CA13: variants seen among roughly 807,000 people sequenced by gnomAD.
CA13 encodes the protein CA-XIII.
CA13 carries 21 observed loss-of-function variants against 31.5 expected under a neutral mutation model. The observed-to-expected ratio is 0.67, with a 90% confidence interval of 0.47 to 0.96. CA13 has a LOEUF of 0.96. CA13 is among the 40% of genes least tolerant of loss of function. The pLI is 0.00. For synonymous variants in CA13, 117 were observed against 111.4 expected, an observed-to-expected ratio of 1.05 and a Z score of -0.32; for missense variants, 315 against 318.9, an observed-to-expected ratio of 0.99 and a Z score of 0.09.
chr8:85,250,689 T>C, intron 1 of CA13, 51 bp from the exon 2 acceptor site: 1 of 1,197,554 alleles, frequency 8.4e-7, no homozygotes, highest in South Asian at 1.3e-5. Context: ...TGTATGTTTG[T>C]TGAAAGAAAG....
At chr8:85,265,638 C>T (rs1049032009) in intron 3 of CA13, among the ~76,000 whole-genome samples, 1 of 151,888 alleles carries the variant, frequency 6.6e-6, no homozygotes, top group African/African-American at 2.4e-5. Flanking sequence ...TTGCTCTCAG[C>T]AAAGTATCTA....
At position 85,281,272 on chromosome 8, in the gene CA13, G is replaced by A; in HGVS notation, c.712G>A (p.Ala238Thr). The A allele has an allele frequency of 6.2e-7, 1 of 1,614,060 alleles. No homozygotes were observed. ...RSLLCTAEGE[A>T]AAFLVSNHRP... The stretch of plus-strand genomic sequence containing the variant: ...TCTCCTGTGCACAGCGGAGGGTGAA[G>A]CAGCAGCTTTTCTGGTGAGCAATCA... Residue 238 changes from alanine (A) to threonine (T), a missense_variant, in exon 7 of 7, where the codon GCA becomes ACA. Coordinates refer to ENST00000321764, the MANE Select transcript of CA13 (RefSeq NM_198584.3).
Position 85,266,676 on chromosome 8 carries a change from A to G in CA13, c.423A>G (p.Gly141=), listed in dbSNP as rs1162212050. The change falls in exon 4 of 7, where the codon GGA becomes GGG. Residue 141 remains glycine, a synonymous_variant. Coordinates refer to ENST00000321764, the MANE Select transcript of CA13 (RefSeq NM_198584.3). The stretch of plus-strand genomic sequence containing the variant: ...TTGAGGCAGCTCATGAACCAGATGG[A>G]CTGGCTGTCTTGGGAGTGTTTTTAC... ...SFVEAAHEPD[G]LAVLGVFLQI... 1 of 1,613,886 alleles carries G rather than the reference A, an allele frequency of 6.2e-7. No homozygotes were observed. Among genetic ancestry groups the G allele is most frequent in the Admixed American group, 1.7e-5 (1 of 59,992 alleles).
chr8:85,249,832 A>G (rs1209751541), intron 1 of CA13: 1 of 452,156 alleles, frequency 2.2e-6, no homozygotes, highest in African/African-American at 2.0e-5. Context: ...ACGTGAAACT[A>G]CAGCTTTGCT....
chr8:85,262,608 C>T, intron 3 of CA13, among the ~76,000 whole-genome samples: 1 of 152,100 alleles, frequency 6.6e-6, no homozygotes, highest in East Asian at 1.9e-4. Context: ...GAAGGTGATT[C>T]TAAGTGCAAT....
chr8:85,267,643 A>G (rs1317077383), intron 4 of CA13, among the ~76,000 whole-genome samples: 6 of 152,176 alleles, frequency 3.9e-5, no homozygotes, highest in Non-Finnish European at 8.8e-5. Flanking sequence ...AACTTAACAA[A>G]TATTAAGCTG....
At chr8:85,252,057 A>G (rs1294180019) in intron 2 of CA13, among the ~76,000 whole-genome samples, 1 of 152,186 alleles carries the variant, frequency 6.6e-6, no homozygotes, top group Non-Finnish European at 1.5e-5. Flanking sequence ...TAGGAGTTCA[A>G]GACCAGCTTG....
At chr8:85,270,178 A>G (rs970675648) in intron 6 of CA13, among the ~76,000 whole-genome samples, 1 of 152,152 alleles carries the variant, frequency 6.6e-6, no homozygotes, top group African/African-American at 2.4e-5. Context: ...ATATCTTAGC[A>G]AGAACACAGT....
At chr8:85,263,657 A>G (rs1807416593) in intron 3 of CA13, among the ~76,000 whole-genome samples, 1 of 152,184 alleles carries the variant, frequency 6.6e-6, no homozygotes, top group African/African-American at 2.4e-5. Context: ...TGGTGGTGCC[A>G]TTTACTGAAA....
chr8:85,262,402 G>A (rs79625298), intron 3 of CA13, among the ~76,000 whole-genome samples: 14 of 152,228 alleles, frequency 9.2e-5, no homozygotes, highest in African/African-American at 1.7e-4. Flanking sequence ...TAGGTCAAGT[G>A]GGGGGACAGC....
At chr8:85,267,999 C>A in intron 5 of CA13, 35 bp downstream of exon 5, 1 of 1,289,780 alleles carries the variant, frequency 7.8e-7, no homozygotes, top group Non-Finnish European at 1.1e-6. Context: ...TAACATATTT[C>A]TTGTTCTCTC....
intron 4 of CA13, chr8:85,267,466 ATTTT>A: frequency 1.3e-5 from 3 of 227,824 alleles, no homozygotes; most frequent in Non-Finnish European, 2.2e-5. Context: ...ACCTCAAATC[ATTTT>A]AGGCTGCAAG....
chr8:85,276,260 CCG>C (rs1564005315), intron 6 of CA13, among the ~76,000 whole-genome samples: 1 of 152,192 alleles, frequency 6.6e-6, no homozygotes, highest in African/African-American at 2.4e-5. Flanking sequence ...CTTCCTCCCC[CCG>C]GGGCAGGGCT....
At chr8:85,247,334 T>C (rs2129938288) in intron 1 of CA13, among the ~76,000 whole-genome samples, 2 of 152,358 alleles carry the variant, frequency 1.3e-5, no homozygotes, top group East Asian at 3.9e-4. Flanking sequence ...TTAGAAATTA[T>C]TCACCTGAAT....
chr8:85,263,146 A>T (rs1344866493), intron 3 of CA13, among the ~76,000 whole-genome samples: 2 of 152,190 alleles, frequency 1.3e-5, no homozygotes. Context: ...TCTCTAAGGC[A>T]GGAGTGAGGC....
rs1428090230 is a variant in CA13 at position 85,282,204 on chromosome 8, A to G, written c.*855A>G. 6.6e-6 allele frequency: 1 copy of G among 152,474 alleles called. No homozygotes were observed. Among genetic ancestry groups the G allele is most frequent in the African/African-American group, 2.4e-5 (1 of 41,450 alleles). The allele number at this position is 152,474 out of a possible 1,614,324, so 9.4% of individuals were successfully genotyped here. On this transcript the variant is annotated 3_prime_UTR_variant, in exon 7 of 7. Transcript: ENST00000321764. ...ATACCTTTAATAAAATGAACAATAT[A>G]AGAGTTAAGGGCAATGGGATAAAGC...
intron 2 of CA13, among the ~76,000 whole-genome samples, chr8:85,256,042 A>G (rs1435562669): frequency 6.6e-6 from 1 of 152,222 alleles, no homozygotes; most frequent in Non-Finnish European, 1.5e-5. Context: ...ACAAAAAAAA[A>G]AAAAAAACTT....
At position 85,268,529 on chromosome 8, in the gene CA13, G is replaced by C. The variant is rs370790769; in HGVS notation, c.571G>C (p.Asp191His). 6.2e-7 allele frequency: 1 copy of C among 1,614,014 alleles called. No homozygotes were observed. Among genetic ancestry groups the C allele is most frequent in the Non-Finnish European group, 8.5e-7 (1 of 1,179,930 alleles). Residue 191 changes from aspartate to histidine, a missense_variant, in exon 6 of 7, where the codon GAC becomes CAC. Transcript: ENST00000321764. ...DLLSLLPPSW[D>H]YWTYPGSLTV... is the part of the protein sequence containing the mutation. ...ATTGTCTCTGCTTCCACCATCCTGGGACTACTGGACATATCCTGGTTCTCT... is the reference window on the plus strand; with the variant it reads ...ATTGTCTCTGCTTCCACCATCCTGGCACTACTGGACATATCCTGGTTCTCT...
At position 85,245,617 on chromosome 8, in the gene CA13, G is replaced by A. The variant is rs1387844160; in HGVS notation, c.-212G>A. ...AAACTAAGAGAGACTCGCGCCCCAG[G>A]AGTCAGCCAGCGGCGCGGGCGCCTT... On this transcript the variant is annotated 5_prime_UTR_variant, in exon 1 of 7. Transcript: ENST00000321764. The A allele has an allele frequency of 3.4e-6, 2 of 591,340 alleles. No homozygotes were observed. The highest frequency in any genetic ancestry group is 3.0e-6 in the Non-Finnish European group (1 of 334,414). 36.6% of individuals were successfully genotyped at this position (591,340 alleles called of 1,614,324 possible).
Sources: allele counts gnomAD v4.1 joint callset (sites outside exome capture counted in the v4.1 genomes callset), GRCh38; gene constraint gnomAD v4.1.1; transcripts MANE v1.5; gene names NCBI Gene and HGNC (gene_info 2026-07-23, HGNC 2026-07-21).